Variants in RPSA2 observed in about 807,000 individuals in gnomAD.
RPSA2 encodes small ribosomal subunit protein uS2B.
the RPSA2 span, chr19:23,819,150 A>G: frequency 1.3e-5 from 2 of 152,174 alleles, no homozygotes; most frequent in African/African-American, 4.8e-5. Flanking sequence ...AAGTTTCCAG[A>G]CGTAAGATTT....
the RPSA2 span, among the ~76,000 whole-genome samples, chr19:23,836,026 GGGTATA>G: frequency 6.6e-6 from 1 of 152,060 alleles, no homozygotes. Context: ...TAAGTTATTG[GGGTATA>G]GGTGGTATTT....
At chr19:23,820,049 T>C in the RPSA2 span, among the ~76,000 whole-genome samples, 4 of 152,224 alleles carry the variant, frequency 2.6e-5, no homozygotes, top group African/African-American at 9.6e-5. Context: ...GGGAAAGCCT[T>C]GACCCATCCT....
At chr19:23,817,555 T>C in the RPSA2 span, 1 of 152,198 alleles carries the variant, frequency 6.6e-6, no homozygotes, top group Non-Finnish European at 1.5e-5. Flanking sequence ...TTTTATTTTA[T>C]ATGTGGTTTT....
At chr19:23,836,196 C>T in the RPSA2 span, among the ~76,000 whole-genome samples, 2 of 152,066 alleles carry the variant, frequency 1.3e-5, no homozygotes, top group African/African-American at 4.8e-5. Flanking sequence ...TATTCTTATA[C>T]CTTTCCATTC....
the RPSA2 span, among the ~76,000 whole-genome samples, chr19:23,824,885 C>A: frequency 3.3e-5 from 5 of 150,878 alleles, no homozygotes; most frequent in East Asian, 3.9e-4. Context: ...CTTCAAATAA[C>A]CTCTGTATTT....
chr19:23,761,957 G>A, the RPSA2 span, among the ~76,000 whole-genome samples: 78 of 34,676 alleles, frequency 2.2e-3, 1 homozygote, highest in African/African-American at 8.2e-3. Flanking sequence ...TTGCTCTATC[G>A]CCCAGGCTGG....
chr19:23,824,597 T>TTTTTTTTTTTTTTTTTTA, the RPSA2 span, among the ~76,000 whole-genome samples: 2 of 140,544 alleles, frequency 1.4e-5, no homozygotes, highest in African/African-American at 2.6e-5. Flanking sequence ...TTTTTTTTTT[T>TTTTTTTTTTTTTTTTTTA]TTGCAGAGTC....
chr19:23,832,417 A>G, the RPSA2 span: 1 of 505,906 alleles, frequency 2.0e-6, no homozygotes. Context: ...CAAAGCATTA[A>G]TTCAATTCTC....
At chr19:23,763,332 A>G in the RPSA2 span, among the ~76,000 whole-genome samples, 2 of 152,176 alleles carry the variant, frequency 1.3e-5, no homozygotes, top group South Asian at 2.1e-4. Flanking sequence ...GTGCGGGGCC[A>G]TGTCTGGAGC....
the RPSA2 span, among the ~76,000 whole-genome samples, chr19:23,844,060 C>T: frequency 6.6e-6 from 1 of 152,092 alleles, no homozygotes; most frequent in African/African-American, 2.4e-5. Context: ...CACCTGGCCT[C>T]TATTTTTTCT....
At chr19:23,840,399 T>C in the RPSA2 span, among the ~76,000 whole-genome samples, 1 of 152,156 alleles carries the variant, frequency 6.6e-6, no homozygotes, top group Admixed American at 6.5e-5. Flanking sequence ...TGTTGACAGA[T>C]CAGCCTGAGC....
chr19:23,859,598 G>A, the RPSA2 span, among the ~76,000 whole-genome samples: 1 of 147,464 alleles, frequency 6.8e-6, no homozygotes, highest in South Asian at 2.2e-4. Flanking sequence ...TTGCACTCCA[G>A]CCTGGGCAAC....
chr19:23,845,823 G>C, the RPSA2 span, among the ~76,000 whole-genome samples: 1 of 150,974 alleles, frequency 6.6e-6, no homozygotes, highest in Non-Finnish European at 1.5e-5. Context: ...TACAGTGACT[G>C]TTTGGGATCA....
At chr19:23,835,935 G>A in the RPSA2 span, among the ~76,000 whole-genome samples, 150 of 152,264 alleles carry the variant, frequency 9.9e-4, no homozygotes, top group African/African-American at 3.2e-3. Context: ...CACCCAGCCT[G>A]TGTAATAGTT....
At chr19:23,856,297 C>T in the RPSA2 span, among the ~76,000 whole-genome samples, 12 of 152,222 alleles carry the variant, frequency 7.9e-5, no homozygotes, top group African/African-American at 1.7e-4. Context: ...TACACCAACA[C>T]GATCCCATAG....
chr19:23,804,368 C>T, the RPSA2 span, among the ~76,000 whole-genome samples: 3 of 148,560 alleles, frequency 2.0e-5, no homozygotes, highest in African/African-American at 7.5e-5. Context: ...GCCATTTCGG[C>T]TCACTGCAAG....
the RPSA2 span, among the ~76,000 whole-genome samples, chr19:23,844,070 T>A: frequency 1.7e-4 from 26 of 152,202 alleles, no homozygotes; most frequent in Non-Finnish European, 3.8e-4. Context: ...CTATTTTTTC[T>A]TTTTGATATT....
At chr19:23,807,086 A>G in the RPSA2 span, among the ~76,000 whole-genome samples, 15 of 152,142 alleles carry the variant, frequency 9.9e-5, no homozygotes, top group Non-Finnish European at 2.1e-4. Flanking sequence ...AGATTTTTGC[A>G]CTATAGAGGT....
At chr19:23,822,907 T>G in the RPSA2 span, among the ~76,000 whole-genome samples, 1 of 151,634 alleles carries the variant, frequency 6.6e-6, no homozygotes, top group Non-Finnish European at 1.5e-5. Context: ...GCAAAGCTGA[T>G]TTTTTTTTGG....
Sources: allele counts gnomAD v4.1 joint callset (sites outside exome capture counted in the v4.1 genomes callset), GRCh38; gene constraint gnomAD v4.1.1; transcripts MANE v1.5; gene names NCBI Gene and HGNC (gene_info 2026-07-23, HGNC 2026-07-21).